RNGTT: variants seen among roughly 807,000 people sequenced by gnomAD.
The protein encoded by RNGTT is RNA guanylyltransferase and 5'-phosphatase.
Under a neutral mutation model 79.3 loss-of-function variants are expected in RNGTT, and 33 were observed. That is an observed-to-expected ratio of 0.42 (90% CI 0.32 to 0.56). The LOEUF (loss-of-function observed/expected upper bound fraction) is 0.56, where lower values mean the gene tolerates loss of function less well. RNGTT is among the 20% of genes least tolerant of loss of function. RNGTT has a pLI of 0.17. For missense variants in RNGTT, 497 were observed against 739.1 expected, an observed-to-expected ratio of 0.67 and a Z score of 3.80; for synonymous variants, 222 against 235.9, an observed-to-expected ratio of 0.94 and a Z score of 0.54.
intron 13 of RNGTT, among the ~76,000 whole-genome samples, chr6:88,751,947 G>C (rs2127830795): frequency 6.6e-6 from 1 of 152,006 alleles, no homozygotes; most frequent in African/African-American, 2.4e-5. Context: ...TTCCAAACTT[G>C]GAAGTCTAGT....
chr6:88,630,483 G>C (rs919992554), intron 14 of RNGTT, among the ~76,000 whole-genome samples: 77 of 152,224 alleles, frequency 5.1e-4, no homozygotes, highest in African/African-American at 1.7e-3. Flanking sequence ...GGATATTCTA[G>C]TCCTCTTCTG....
intron 8 of RNGTT, among the ~76,000 whole-genome samples, chr6:88,872,120 T>TA (rs1782377461): frequency 1.3e-5 from 2 of 152,236 alleles, no homozygotes; most frequent in African/African-American, 2.4e-5. Flanking sequence ...AACCATCTTG[T>TA]AAGCCACTTC....
At chr6:88,653,673 G>C (rs531451567) in intron 14 of RNGTT, among the ~76,000 whole-genome samples, 1 of 152,086 alleles carries the variant, frequency 6.6e-6, no homozygotes, top group Non-Finnish European at 1.5e-5. Flanking sequence ...TAGAACCAGA[G>C]CTTTTAAATA....
chr6:88,667,337 G>A (rs1774454497), intron 14 of RNGTT, among the ~76,000 whole-genome samples: 1 of 152,210 alleles, frequency 6.6e-6, no homozygotes, highest in African/African-American at 2.4e-5. Context: ...CACCCATCTA[G>A]GCCAAGAGTC....
At chr6:88,878,019 T>C (rs1056514896) in intron 8 of RNGTT, among the ~76,000 whole-genome samples, 2 of 152,184 alleles carry the variant, frequency 1.3e-5, no homozygotes, top group African/African-American at 4.8e-5. Flanking sequence ...AAAATTAGTA[T>C]AGTTAGTATA....
intron 14 of RNGTT, among the ~76,000 whole-genome samples, chr6:88,658,894 C>T (rs144363597): frequency 0.02 from 3,110 of 152,346 alleles, 116 homozygotes; most frequent in African/African-American, 0.069. Flanking sequence ...CTCGGGCCTT[C>T]GGCCACAGAC....
chr6:88,640,418 G>T (rs559590326), intron 14 of RNGTT, among the ~76,000 whole-genome samples: 55 of 150,862 alleles, frequency 3.6e-4, no homozygotes, highest in African/African-American at 1.3e-3. Flanking sequence ...AGGCATGGTG[G>T]CATGTGCCTG....
intron 13 of RNGTT, among the ~76,000 whole-genome samples, chr6:88,760,873 AT>A (rs34821654): frequency 0.024 from 3,474 of 143,030 alleles, 93 homozygotes; most frequent in African/African-American, 0.076. Flanking sequence ...TGAGAAAACG[AT>A]TTTTTTTTTT....
intron 8 of RNGTT, among the ~76,000 whole-genome samples, chr6:88,887,188 G>C (rs1782892366): frequency 6.6e-6 from 1 of 151,610 alleles, no homozygotes; most frequent in African/African-American, 2.4e-5. Context: ...CTCAATTTCA[G>C]AGATCCTTGG....
chr6:88,759,116 CCAGTATGG>C (rs1327829653), intron 13 of RNGTT, among the ~76,000 whole-genome samples: 2 of 152,092 alleles, frequency 1.3e-5, no homozygotes, highest in African/African-American at 4.8e-5. Flanking sequence ...TCATTTATTA[CCAGTATGG>C]CAGTATGGAC....
intron 1 of RNGTT, among the ~76,000 whole-genome samples, chr6:88,942,586 G>A (rs982975561): frequency 2.0e-5 from 3 of 151,916 alleles, no homozygotes; most frequent in African/African-American, 4.8e-5. Context: ...GCCCAGGCTG[G>A]TCTCGAATTC....
intron 12 of RNGTT, among the ~76,000 whole-genome samples, chr6:88,789,925 T>C (rs530962639): frequency 2.0e-5 from 3 of 152,248 alleles, no homozygotes; most frequent in East Asian, 3.9e-4. Flanking sequence ...TAGGAACCAA[T>C]AGATGCAACA....
At chr6:88,875,858 A>G (rs1782503355) in intron 8 of RNGTT, among the ~76,000 whole-genome samples, 1 of 152,204 alleles carries the variant, frequency 6.6e-6, no homozygotes, top group South Asian at 2.1e-4. Context: ...TTACATCAAT[A>G]AAATCTTTTA....
intron 13 of RNGTT, among the ~76,000 whole-genome samples, chr6:88,708,831 T>C (rs1776228308): frequency 6.6e-6 from 1 of 152,274 alleles, no homozygotes; most frequent in Non-Finnish European, 1.5e-5. Context: ...AACTATAAGT[T>C]ACAGATTGTG....
At chr6:88,771,315 G>GTGTATATATATATATA (rs1303688973) in intron 12 of RNGTT, among the ~76,000 whole-genome samples, 3 of 62,064 alleles carry the variant, frequency 4.8e-5, no homozygotes, top group Admixed American at 1.8e-4. Flanking sequence ...GTGTGTGTGT[G>GTGTATATATATATATA]TATATATATA....
chr6:88,662,836 G>C (rs932147963), intron 14 of RNGTT, among the ~76,000 whole-genome samples: 2 of 152,320 alleles, frequency 1.3e-5, no homozygotes, highest in Non-Finnish European at 2.9e-5. Context: ...ATCGGCGATT[G>C]GAGTCTGGAC....
chr6:88,752,477 T>C (rs911915363), intron 13 of RNGTT, among the ~76,000 whole-genome samples: 3 of 152,074 alleles, frequency 2.0e-5, no homozygotes, highest in Non-Finnish European at 4.4e-5. Flanking sequence ...TATAACAAAT[T>C]GCTAATTTAA....
At chr6:88,924,561 A>G (rs1234794785) in intron 4 of RNGTT, among the ~76,000 whole-genome samples, 1 of 152,198 alleles carries the variant, frequency 6.6e-6, no homozygotes, top group Non-Finnish European at 1.5e-5. Flanking sequence ...CCTGGGCTCA[A>G]GCAATCCTTC....
At chr6:88,747,316 T>C (rs1777692226) in intron 13 of RNGTT, among the ~76,000 whole-genome samples, 1 of 152,200 alleles carries the variant, frequency 6.6e-6, no homozygotes, top group African/African-American at 2.4e-5. Flanking sequence ...CTCAACCTTT[T>C]TCCCAAACCA....
Sources: gnomAD v4.1 joint callset for allele counts (sites outside exome capture counted in the v4.1 genomes callset) on GRCh38, gnomAD v4.1.1 for gene constraint, MANE v1.5 for transcripts, NCBI Gene and HGNC (gene_info 2026-07-23, HGNC 2026-07-21) for gene names.